SLC38A2: variants seen among roughly 807,000 people sequenced by gnomAD.
SLC38A2 encodes the protein sodium-coupled neutral amino acid symporter 2.
Under a neutral mutation model 61.5 loss-of-function variants are expected in SLC38A2, and 11 were observed. The observed-to-expected ratio is 0.18, with a 90% confidence interval of 0.11 to 0.30. The LOEUF (loss-of-function observed/expected upper bound fraction) is 0.30, where lower values mean the gene tolerates loss of function less well. SLC38A2 is among the 10% of genes least tolerant of loss of function. The pLI is 1.00. For synonymous variants in SLC38A2, 217 were observed against 212.5 expected, an observed-to-expected ratio of 1.02 and a Z score of -0.18; for missense variants, 522 against 600.4, an observed-to-expected ratio of 0.87 and a Z score of 1.36.
chr12:46,364,258 C>A (rs1943114510), intron 10 of SLC38A2, 131 bp downstream of exon 10: 1 of 1,022,090 alleles, frequency 9.8e-7, no homozygotes, highest in Non-Finnish European at 1.4e-6. Context: ...TCTTCACAGT[C>A]CTCAATAATT....
At chr12:46,365,431 T>G (rs1417651527) in intron 7 of SLC38A2, 1 of 554,020 alleles carries the variant, frequency 1.8e-6, no homozygotes, top group Non-Finnish European at 3.2e-6. Flanking sequence ...CTACTTGCTC[T>G]GGGAAGGCTG....
chr12:46,361,266 T>C, intron 15 of SLC38A2, 57 bp from the exon 16 acceptor site: 1 of 1,370,114 alleles, frequency 7.3e-7, no homozygotes, highest in Non-Finnish European at 1.0e-6. Flanking sequence ...ATGCTAAACA[T>C]TTCTTCTATT....
At chr12:46,370,955 GCT>G in intron 2 of SLC38A2, 98 bp from the exon 3 acceptor site, 1 of 938,636 alleles carries the variant, frequency 1.1e-6, no homozygotes, top group Non-Finnish European at 1.6e-6. Context: ...CAACAGCATA[GCT>G]CTGATACAAC....
rs1289963407 is a variant in SLC38A2, at chr12:46,362,654, A to G, written c.1180-16T>C. On this transcript the variant is annotated splice_polypyrimidine_tract_variant and intron_variant, in intron 13 of 15. Transcript: ENST00000256689. ...AACTCCGGATCTGCAAAAAAAATAA[A>G]TAAAATGTATTTTAAAAATAGCAGC... 1 of 1,553,732 alleles carries G rather than the reference A, an allele frequency of 6.4e-7. No homozygotes were observed. Among genetic ancestry groups the G allele is most frequent in the East Asian group, 2.4e-5 (1 of 42,422 alleles).
At chr12:46,361,426 T>C (rs1393439930) in intron 15 of SLC38A2, among the ~76,000 whole-genome samples, 1 of 152,196 alleles carries the variant, frequency 6.6e-6, no homozygotes, top group African/African-American at 2.4e-5. Flanking sequence ...TTTTTCACTT[T>C]TTCATTCCTT....
chr12:46,367,516 CTGGCAGTAAAAACT>C, intron 4 of SLC38A2, 176 bp from the exon 5 acceptor site: 1 of 603,730 alleles, frequency 1.7e-6, no homozygotes, highest in South Asian at 2.1e-5. Flanking sequence ...TGTCTCTTGG[CTGGCAGTAAAAACT>C]TGCATCATTT....
intron 13 of SLC38A2, 161 bp from the exon 14 acceptor site, chr12:46,362,799 A>C (rs1943096071): frequency 1.1e-6 from 1 of 942,778 alleles, no homozygotes; most frequent in African/African-American, 1.7e-5. Context: ...CTGTTTCCTG[A>C]ACATCTGAAC....
At position 46,370,781 on chromosome 12, in the gene SLC38A2, C is replaced by T. The variant is rs959805467; in HGVS notation, c.193G>A (p.Glu65Lys). ...AATTACTATTTTTAACTTACAAATT[C>T]TGTTTCATACTTCTTCTTCCCCAAA... ...SNLGKKKYET[E>K]FHPGTTSFGM... Residue 65 changes from glutamate to lysine, a missense_variant, in exon 3 of 16, where the codon GAA (glutamate) becomes AAA (lysine). By Grantham distance (56) the Glu-to-Lys change is moderately conservative (BLOSUM62 1). Around this residue, in one of 3 missense-constraint regions of SLC38A2, gnomAD observed 102 missense variants for 83.1 expected, o/e 1.23. Transcript: ENST00000256689. The T allele has an allele frequency of 7.1e-5, 115 of 1,610,958 alleles. No homozygotes were observed. The highest frequency in any genetic ancestry group is 9.1e-5 in the Non-Finnish European group (107 of 1,178,160).
In SLC38A2 at chr12:46,363,143, G is replaced by A. The variant is rs890767906; in HGVS notation, c.1057C>T (p.His353Tyr). The change falls in exon 13 of 16, where the codon CAT (histidine) becomes TAT (tyrosine). Residue 353 changes from histidine (H) to tyrosine (Y), a missense_variant and splice_region_variant. Physicochemically the swap from His to Tyr is moderately conservative, Grantham distance 83. Transcript: ENST00000256689. ...GTATGAAGCAATTCTGACTCAACAT[G>A]TTCTACAGGGAAAGACCAAAAAAAC... ...ALFGYLTFYE[H>Y]VESELLHTYS... 1.9e-6 allele frequency: 3 copies of A among 1,611,164 alleles called. No individual in the cohort carries two copies. Among genetic ancestry groups the A allele is most frequent in the South Asian group, 1.1e-5 (1 of 90,586 alleles).
intron 15 of SLC38A2, 132 bp downstream of exon 15, chr12:46,362,152 C>T (rs1943088382): frequency 1.4e-6 from 1 of 700,538 alleles, no homozygotes; most frequent in Non-Finnish European, 2.3e-6. Flanking sequence ...GTGAAGTATA[C>T]CATTACAGAA....
At chr12:46,370,994 C>G in intron 2 of SLC38A2, 137 bp from the exon 3 acceptor site, 1 of 839,580 alleles carries the variant, frequency 1.2e-6, no homozygotes, top group Non-Finnish European at 1.9e-6. Flanking sequence ...TAAATATTAA[C>G]TAGGAGTTGA....
rs1335210356 is a variant in SLC38A2, at chr12:46,364,563, A to G, written c.706-7T>C. 1.0e-5 allele frequency: 16 copies of G among 1,601,092 alleles called. No homozygotes were observed. The highest frequency in any genetic ancestry group is 1.1e-5 in the Non-Finnish European group (13 of 1,176,204). ...GAAATTTCTTGCAAATGACCTAAAA[A>G]TATATTATTTTGCATGTGTTAAACT... On this transcript the variant is annotated splice_region_variant and splice_polypyrimidine_tract_variant and intron_variant, in intron 9 of 15. Transcript: ENST00000256689.
At chr12:46,361,749 A>G (rs1943083987) in intron 15 of SLC38A2, 1 of 156,122 alleles carries the variant, frequency 6.4e-6, no homozygotes, top group African/African-American at 2.4e-5. Flanking sequence ...TTTTTCCTAA[A>G]TATCACCACC....
At chr12:46,371,439 G>A in intron 1 of SLC38A2, 60 bp from the exon 2 acceptor site, 1 of 647,132 alleles carries the variant, frequency 1.5e-6, no homozygotes. Context: ...GTCACGTGAC[G>A]CCGCCCGGAG....
chr12:46,367,821 T>G (rs1943154550), intron 4 of SLC38A2, among the ~76,000 whole-genome samples: 1 of 152,136 alleles, frequency 6.6e-6, no homozygotes, highest in Admixed American at 6.5e-5. Flanking sequence ...TAAGACCACA[T>G]GGACCGTATA....
At chr12:46,365,748 T>C (rs1943132935) in intron 7 of SLC38A2, among the ~76,000 whole-genome samples, 3 of 152,066 alleles carry the variant, frequency 2.0e-5, no homozygotes, top group South Asian at 2.1e-4. Context: ...CCAGGACTTA[T>C]TCCAGGTTAT....
chr12:46,367,214 AAATAAAATGAT>A (rs1565829034), intron 5 of SLC38A2, 42 bp downstream of exon 5: 1 of 1,587,018 alleles, frequency 6.3e-7, no homozygotes. Flanking sequence ...TTTAAAAGAG[AAATAAAATGAT>A]AGGTATACAT....
chr12:46,372,147 G>A (rs1376708900), intron 1 of SLC38A2, among the ~76,000 whole-genome samples: 1 of 151,968 alleles, frequency 6.6e-6, no homozygotes, highest in Non-Finnish European at 1.5e-5. Flanking sequence ...CACCTCCGCC[G>A]CCCCCAGATT....
At position 46,364,508 on chromosome 12, in the gene SLC38A2, T is replaced by C. The variant is rs746374359; in HGVS notation, c.754A>G (p.Ile252Val). ...QVPCPVEAAL[I>V]INETINTTLT... is the part of the protein sequence containing the mutation. ...GTGGTGTTTATTGTTTCGTTAATTA[T>C]CAAAGCAGCTTCCACAGGACACGGA... Residue 252 changes from isoleucine (I) to valine (V), a missense_variant, in exon 10 of 16, where the codon ATA becomes GTA. Physicochemically the swap from Ile to Val is conservative, Grantham distance 29 (BLOSUM62 3). Transcript: ENST00000256689. 1 of 1,612,408 alleles carries C rather than the reference T, an allele frequency of 6.2e-7. No homozygotes were observed.
Sources: allele counts gnomAD v4.1 joint callset (sites outside exome capture counted in the v4.1 genomes callset), GRCh38; gene constraint gnomAD v4.1.1; regional missense constraint gnomAD v4.1.1; transcripts MANE v1.5; gene names NCBI Gene and HGNC (gene_info 2026-07-23, HGNC 2026-07-21).